Variants in TBC1D14 observed in about 807,000 individuals in gnomAD.
TBC1D14 encodes TBC1 domain family, member 14.
A neutral mutation model predicts 79.0 loss-of-function variants in TBC1D14; 26 were observed. The ratio of observed to expected loss-of-function variants is 0.33; its 90% CI spans 0.24 to 0.46. The LOEUF is 0.46. TBC1D14 is among the 20% of genes least tolerant of loss of function. The pLI is 1.00. For synonymous variants in TBC1D14, 394 were observed against 349.9 expected (o/e 1.13, Z -1.40); for missense variants, 769 against 887.6 (o/e 0.87, Z 1.70).
Position 7,008,506 on chromosome 4 carries a change from G to A in TBC1D14, c.1447-1371G>A, listed in dbSNP as rs374143510. ...CGGCTCACCGCAGCCTCCGCCTCCC[G>A]GGTTCAAGCGATTCTCTTGCCTCAG... On this transcript the variant is annotated intron_variant, in intron 9 of 13. Coordinates refer to ENST00000409757, the MANE Select transcript of TBC1D14 (RefSeq NM_020773.3). Among the ~76,000 whole-genome samples the A allele has an allele frequency of 1.6e-4, 25 of 152,322 alleles. No homozygotes were observed. In the South Asian group the frequency reaches 4.8e-3, roughly 29 times the overall value.
rs192310352 is a variant in TBC1D14, at chr4:6,911,959, T to A, written c.-18+2008T>A. On this transcript the variant is annotated intron_variant, in intron 1 of 13. Coordinates refer to ENST00000409757, the MANE Select transcript of TBC1D14 (RefSeq NM_020773.3). ...TATGTGTTTGTTAACTTTAAAAAAA[T>A]TTTTTTTTAGAGATGGGGTCATGGT... is the stretch of plus-strand genomic sequence containing the variant. Among the ~76,000 whole-genome samples the A allele has an allele frequency of 1.2e-3, 177 of 152,054 alleles. 1 individual carries two copies. In the East Asian group the frequency reaches 0.014, roughly 12 times the overall value.
At chr4:6,967,192 A>G (rs1715775929) in intron 2 of TBC1D14, 112 bp from the exon 3 acceptor site, 15 of 1,335,668 alleles carry the variant, frequency 1.1e-5, no homozygotes, top group Non-Finnish European at 1.5e-5. Context: ...GAAGAATTAA[A>G]GTACGTGGTT....
intron 3 of TBC1D14, among the ~76,000 whole-genome samples, 181 bp from the exon 4 acceptor site, chr4:6,994,003 C>G (rs922168429): frequency 6.6e-6 from 1 of 152,160 alleles, no homozygotes; most frequent in African/African-American, 2.4e-5. Flanking sequence ...GAGCGAGACT[C>G]CATCTCCAGA....
chr4:7,027,372 C>A (rs1341357031), intron 13 of TBC1D14, among the ~76,000 whole-genome samples: 1 of 143,604 alleles, frequency 7.0e-6, no homozygotes, highest in Admixed American at 7.0e-5. Flanking sequence ...CATTGCACAT[C>A]CATTCACCCC....
chr4:6,945,894 A>T (rs1407387758), intron 2 of TBC1D14, among the ~76,000 whole-genome samples: 1 of 152,182 alleles, frequency 6.6e-6, no homozygotes, highest in African/African-American at 2.4e-5. Flanking sequence ...AACTTAACAA[A>T]GAAAAATTAA....
chr4:6,927,391 G>C (rs115848355), intron 2 of TBC1D14, among the ~76,000 whole-genome samples: 1,583 of 152,196 alleles, frequency 0.01, 38 homozygotes, highest in African/African-American at 0.036. Flanking sequence ...TGTGGGCCTT[G>C]GGCAAGTTAC....
chr4:6,994,667 G>A lies in TBC1D14; in HGVS notation c.962+365G>A, dbSNP rs570579851. ...GTTGGAGACCAGCCTGGCCAACATG[G>A]TGAAACCCTGTCTCTACTAAAAATA... On this transcript the variant is annotated intron_variant, in intron 4 of 13. Coordinates refer to ENST00000409757, the MANE Select transcript of TBC1D14 (RefSeq NM_020773.3). 1.4e-3 allele frequency among the ~76,000 whole-genome samples: 208 copies of A among 152,194 alleles called. 1 individual carries two copies. The highest frequency in any genetic ancestry group is 2.5e-3 in the Non-Finnish European group (172 of 68,020).
At chr4:6,971,638 A>C (rs1716237707) in intron 3 of TBC1D14, among the ~76,000 whole-genome samples, 1 of 152,236 alleles carries the variant, frequency 6.6e-6, no homozygotes, top group Non-Finnish European at 1.5e-5. Context: ...GAATAACAGT[A>C]CAACAGTGGC....
intron 2 of TBC1D14, among the ~76,000 whole-genome samples, chr4:6,957,961 T>C (rs2109021676): frequency 6.7e-6 from 1 of 150,326 alleles, no homozygotes; most frequent in East Asian, 1.9e-4. Context: ...TTTTTTTTTA[T>C]GGGCTGTTTT....
At chr4:6,910,265 C>A (rs948833734) in intron 1 of TBC1D14, 1 of 152,152 alleles carries the variant, frequency 6.6e-6, no homozygotes, top group Non-Finnish European at 1.5e-5. Context: ...TTTCCTACTC[C>A]GACGCGAGGC....
intron 3 of TBC1D14, among the ~76,000 whole-genome samples, chr4:6,985,100 C>T (rs140789401): frequency 1.3e-5 from 2 of 152,320 alleles, no homozygotes; most frequent in African/African-American, 4.8e-5. Context: ...TATTGTGCCT[C>T]TATTTTTTAA....
chr4:6,943,263 G>A (rs1713089097), intron 2 of TBC1D14, among the ~76,000 whole-genome samples: 1 of 152,168 alleles, frequency 6.6e-6, no homozygotes, highest in Non-Finnish European at 1.5e-5. Flanking sequence ...AGAGGACTGC[G>A]CCCAGGACAA....
chr4:7,006,873 T>C (rs1720248156), intron 9 of TBC1D14, 147 bp downstream of exon 9: 2 of 606,030 alleles, frequency 3.3e-6, no homozygotes, highest in Admixed American at 6.5e-5. Flanking sequence ...TAAATACATT[T>C]AGACTTTTTA....
At chr4:7,021,891 G>A (rs1184555640) in intron 12 of TBC1D14, among the ~76,000 whole-genome samples, 1 of 152,188 alleles carries the variant, frequency 6.6e-6, no homozygotes, top group Non-Finnish European at 1.5e-5. Context: ...GGCAGCAGGG[G>A]AAGGTGGACC....
chr4:7,022,386 G>A (rs1272839835), intron 12 of TBC1D14, among the ~76,000 whole-genome samples: 1 of 152,260 alleles, frequency 6.6e-6, no homozygotes, highest in African/African-American at 2.4e-5. Flanking sequence ...AGTGTCAGGA[G>A]CGTCCCTTCA....
intron 3 of TBC1D14, among the ~76,000 whole-genome samples, chr4:6,981,287 A>G (rs1178175484): frequency 6.6e-6 from 1 of 152,208 alleles, no homozygotes; most frequent in Admixed American, 6.5e-5. Context: ...AGCTTCCCAA[A>G]GTGCTGGGAT....
chr4:7,027,486 C>G (rs1020464891), intron 13 of TBC1D14, among the ~76,000 whole-genome samples: 16 of 144,298 alleles, frequency 1.1e-4, no homozygotes. Flanking sequence ...CATTGCACAC[C>G]CACAGTCACA....
intron 12 of TBC1D14, among the ~76,000 whole-genome samples, chr4:7,016,434 A>C (rs1721284543): frequency 1.3e-5 from 2 of 152,232 alleles, no homozygotes; most frequent in Admixed American, 1.3e-4. Context: ...CCTGCCCCTC[A>C]GATTCCTGGC....
At chr4:6,910,322 G>A (rs1195479373) in intron 1 of TBC1D14, 1 of 152,390 alleles carries the variant, frequency 6.6e-6, no homozygotes, top group African/African-American at 2.4e-5. Context: ...CCCGACCCCG[G>A]AGCCCCCTTC....
Sources: allele counts gnomAD v4.1 joint callset (sites outside exome capture counted in the v4.1 genomes callset), GRCh38; gene constraint gnomAD v4.1.1; transcripts MANE v1.5; gene names NCBI Gene and HGNC (gene_info 2026-07-23, HGNC 2026-07-21).